METTL2B: variants seen among roughly 807,000 people sequenced by gnomAD.
METTL2B encodes the protein tRNA N(3)-cytidine methyltransferase METTL2B.
In METTL2B, 28 loss-of-function variants were observed where a neutral mutation model predicts 51.0. That is an observed-to-expected ratio of 0.55 (90% CI 0.41 to 0.75). METTL2B has a LOEUF of 0.75. METTL2B is among the 30% of genes least tolerant of loss of function. METTL2B has a pLI of 0.00. For missense variants in METTL2B, 313 were observed against 460.7 expected (o/e 0.68, Z 2.93); for synonymous variants, 128 against 166.3 (o/e 0.77, Z 1.77).
At chr7:128,499,591 T>TTA (rs1792989539) in intron 7 of METTL2B, among the ~76,000 whole-genome samples, 1 of 113,946 alleles carries the variant, frequency 8.8e-6, no homozygotes, top group East Asian at 2.9e-4. Flanking sequence ...CGATCTCGGC[T>TTA]CACTGCAACG....
chr7:128,486,490 C>G (rs1368183049), intron 4 of METTL2B, among the ~76,000 whole-genome samples: 1 of 151,552 alleles, frequency 6.6e-6, no homozygotes, highest in Non-Finnish European at 1.5e-5. Context: ...GTCCCAGCTA[C>G]TCAGGAGGCT....
chr7:128,491,820 A>G (rs2116857801), intron 5 of METTL2B, among the ~76,000 whole-genome samples: 1 of 151,354 alleles, frequency 6.6e-6, no homozygotes. Context: ...AGGGCAGATT[A>G]GGAATTGGTA....
intron 5 of METTL2B, 62 bp from the exon 6 acceptor site, chr7:128,493,742 A>C: frequency 2.0e-6 from 3 of 1,534,838 alleles, no homozygotes; most frequent in Non-Finnish European, 2.6e-6. Context: ...AAAACAAGAT[A>C]ATCTTTTCTT....
At chr7:128,486,633 AAAC>A (rs1792724549) in intron 4 of METTL2B, among the ~76,000 whole-genome samples, 1 of 151,784 alleles carries the variant, frequency 6.6e-6, no homozygotes, top group South Asian at 2.1e-4. Context: ...ATGAAGAAGA[AAAC>A]AACGCTTGCC....
chr7:128,496,029 A>G (rs1247648455), intron 6 of METTL2B, among the ~76,000 whole-genome samples: 1 of 152,172 alleles, frequency 6.6e-6, no homozygotes, highest in Non-Finnish European at 1.5e-5. Flanking sequence ...TTACATGACT[A>G]GAGACTGCAG....
intron 4 of METTL2B, among the ~76,000 whole-genome samples, chr7:128,486,801 T>C (rs1193793711): frequency 6.6e-6 from 1 of 152,178 alleles, no homozygotes; most frequent in East Asian, 1.9e-4. Context: ...GGTGCGCACC[T>C]GTAATCCGAG....
rs555938795 is a variant in METTL2B, at chr7:128,490,545, C to T, written c.669+2384C>T. Among the ~76,000 whole-genome samples the T allele has an allele frequency of 3.3e-5, 5 of 152,216 alleles. No homozygotes were observed. In the South Asian group the frequency reaches 1.0e-3, roughly 32 times the overall value. ...AACCTAAGGGCACAAAATACAGCCC[C>T]AAGTTCCTGGTATCTTACCTCTCAT... is the stretch of plus-strand genomic sequence containing the variant. On this transcript the variant is annotated intron_variant, in intron 5 of 8. Transcript: ENST00000262432.
rs775136587 is a variant in METTL2B, at chr7:128,501,745, T to A, written c.983-17T>A. On this transcript the variant is annotated splice_polypyrimidine_tract_variant and intron_variant, in intron 8 of 8. Coordinates refer to ENST00000262432, the MANE Select transcript of METTL2B (RefSeq NM_018396.3). ...TTGAGGGGAAAATGCATAAACATCT[T>A]TTATTTTCCACACTAGAGGAACTGG... 8.1e-6 allele frequency: 13 copies of A among 1,612,262 alleles called. No homozygotes were observed. In the Admixed American group the frequency reaches 2.2e-4, roughly 27 times the overall value.
intron 6 of METTL2B, among the ~76,000 whole-genome samples, chr7:128,497,096 A>C (rs1792937893): frequency 6.6e-6 from 1 of 152,186 alleles, no homozygotes; most frequent in South Asian, 2.1e-4. Context: ...AAATTTAAAT[A>C]GACTTTGAAA....
intron 2 of METTL2B, among the ~76,000 whole-genome samples, chr7:128,478,454 C>T (rs1041173139): frequency 6.6e-6 from 1 of 151,480 alleles, no homozygotes; most frequent in African/African-American, 2.4e-5. Context: ...TTTCACCATG[C>T]TGGCCAGGAT....
rs1342477425 is a variant in METTL2B, at chr7:128,505,974, CA to C, written c.*4059del. Reference sequence around the variant, plus strand: ...CCTCCCAAGTAGATGGGACTACAGGCATGTGCCACCAAGCCTAATTTTTGTA... The same window carrying C: ...CCTCCCAAGTAGATGGGACTACAGGCTGTGCCACCAAGCCTAATTTTTGTA... On this transcript the variant is annotated 3_prime_UTR_variant, in exon 9 of 9. Transcript: ENST00000262432. 6.6e-6 allele frequency: 1 copy of C among 152,204 alleles called. No homozygotes were observed. Among genetic ancestry groups the C allele is most frequent in the African/African-American group, 2.4e-5 (1 of 41,440 alleles). The allele number at this position is 152,204 out of a possible 1,614,324, so 9.4% of individuals were successfully genotyped here.
intron 7 of METTL2B, among the ~76,000 whole-genome samples, chr7:128,498,499 A>G (rs1207690897): frequency 1.3e-5 from 2 of 152,114 alleles, no homozygotes; most frequent in Admixed American, 6.6e-5. Flanking sequence ...TAATTTTAAA[A>G]AAAAAAAAGG....
At chr7:128,501,673 C>T in intron 8 of METTL2B, 89 bp from the exon 9 acceptor site, 2 of 1,547,692 alleles carry the variant, frequency 1.3e-6, no homozygotes, top group Admixed American at 2.0e-5. Context: ...ACAGCAACTT[C>T]CCAGAGCCCC....
At position 128,504,068 on chromosome 7, in the gene METTL2B, G is replaced by A. The variant is rs1239573595; in HGVS notation, c.*2152G>A. On this transcript the variant is annotated 3_prime_UTR_variant, in exon 9 of 9. Transcript: ENST00000262432. The stretch of plus-strand genomic sequence containing the variant: ...ATTTTGGAATAATAAATTTATATAG[G>A]AATACTGCAAGAATAGTCCATTTTT... 1 of 152,088 alleles carries A rather than the reference G, an allele frequency of 6.6e-6. No individual in the cohort carries two copies. Among genetic ancestry groups the A allele is most frequent in the Non-Finnish European group, 1.5e-5 (1 of 68,034 alleles). 9.4% of individuals were successfully genotyped at this position (152,088 alleles called of 1,614,324 possible). A position where few individuals can be genotyped will look rare whatever the true frequency, so the allele number is the denominator to read the frequency against.
At chr7:128,497,302 A>C (rs1792941972) in intron 6 of METTL2B, among the ~76,000 whole-genome samples, 1 of 152,136 alleles carries the variant, frequency 6.6e-6, no homozygotes, top group South Asian at 2.1e-4. Context: ...TCATTTAGCA[A>C]ACAGAAAGAT....
chr7:128,479,449 T>C lies in METTL2B; in HGVS notation c.494T>C (p.Ile165Thr). 1 of 1,614,118 alleles carries C rather than the reference T, an allele frequency of 6.2e-7. No homozygotes were observed. Among genetic ancestry groups the C allele is most frequent in the Non-Finnish European group, 8.5e-7 (1 of 1,179,942 alleles). The change falls in exon 3 of 9, where the codon ATT (isoleucine) becomes ACT (threonine). Residue 165 changes from isoleucine (I) to threonine (T), a missense_variant. Physicochemically the swap from Ile to Thr is moderately conservative, Grantham distance 89 (BLOSUM62 -1). Transcript: ENST00000262432. ...GTGGAGGAGAATGTAACTCAGAAAATTAGTGACCTGGAAATTTGTGCTGAT... is the reference window on the plus strand; with the variant it reads ...GTGGAGGAGAATGTAACTCAGAAAACTAGTGACCTGGAAATTTGTGCTGAT... ...PPVEENVTQK[I>T]SDLEICADEF...
At chr7:128,497,225 G>C (rs1325028531) in intron 6 of METTL2B, among the ~76,000 whole-genome samples, 1 of 152,164 alleles carries the variant, frequency 6.6e-6, no homozygotes, top group Non-Finnish European at 1.5e-5. Flanking sequence ...AAAACCCTCT[G>C]TCTGTTATAC....
At chr7:128,498,273 A>G (rs1792961685) in intron 7 of METTL2B, 131 bp downstream of exon 7, 1 of 1,005,420 alleles carries the variant, frequency 9.9e-7, no homozygotes, top group Admixed American at 2.8e-5. Flanking sequence ...TTTCTCACTC[A>G]TAAGTGGGAG....
Position 128,486,601 on chromosome 7 carries a change from T to C in METTL2B, c.609-1500T>C, listed in dbSNP as rs1397018096. On this transcript the variant is annotated intron_variant, in intron 4 of 8. Coordinates refer to ENST00000262432, the MANE Select transcript of METTL2B (RefSeq NM_018396.3). ...GGTGACACAGCCAAGACCTCGTGTC[T>C]CACAAAAAAAAAAAGAAAAACATGA... 2.0e-5 allele frequency among the ~76,000 whole-genome samples: 3 copies of C among 150,604 alleles called. No homozygotes were observed. In the East Asian group the frequency reaches 5.9e-4, roughly 29 times the overall value.
Sources: allele counts gnomAD v4.1 joint callset (sites outside exome capture counted in the v4.1 genomes callset), GRCh38; gene constraint gnomAD v4.1.1; transcripts MANE v1.5; gene names NCBI Gene and HGNC (gene_info 2026-07-23, HGNC 2026-07-21).